Variants in VPS13B observed in about 807,000 individuals in gnomAD.
VPS13B encodes vacuolar protein sorting 13 homolog B.
VPS13B carries 285 observed loss-of-function variants against 426.4 expected under a neutral mutation model. The ratio of observed to expected loss-of-function variants is 0.67; its 90% CI spans 0.61 to 0.74. The LOEUF (loss-of-function observed/expected upper bound fraction) is 0.74. Among genes scored for constraint, VPS13B ranks in the 30% least tolerant of loss-of-function variants. The pLI is 0.00. For missense variants in VPS13B, 4,537 were observed against 4,782.6 expected, an observed-to-expected ratio of 0.95 and a Z score of 1.51; for synonymous variants, 1,676 against 1,676.4, an observed-to-expected ratio of 1.00 and a Z score of 0.01.
chr8:99,299,722 C>T (rs1420491877), intron 19 of VPS13B, among the ~76,000 whole-genome samples: 1 of 151,832 alleles, frequency 6.6e-6, no homozygotes, highest in Non-Finnish European at 1.5e-5. Context: ...CCAGCTTGGC[C>T]AACATGGTGA....
chr8:99,074,105 TG>T (rs1169542014), intron 3 of VPS13B, among the ~76,000 whole-genome samples: 2 of 152,182 alleles, frequency 1.3e-5, no homozygotes. Context: ...TGGGACCTTC[TG>T]TACTGTGTTG....
chr8:99,699,267 C>G (rs1272708754), intron 35 of VPS13B, among the ~76,000 whole-genome samples: 1 of 150,190 alleles, frequency 6.7e-6, no homozygotes, highest in Non-Finnish European at 1.5e-5. Flanking sequence ...GTGTGGCCCT[C>G]GATGTATCAG....
At chr8:99,562,949 G>A (rs1825008564) in intron 31 of VPS13B, among the ~76,000 whole-genome samples, 1 of 152,130 alleles carries the variant, frequency 6.6e-6, no homozygotes, top group Non-Finnish European at 1.5e-5. Flanking sequence ...GAAGCCAGGA[G>A]TTTAAGATCA....
intron 31 of VPS13B, among the ~76,000 whole-genome samples, chr8:99,571,507 T>C (rs1344234603): frequency 6.6e-6 from 1 of 152,148 alleles, no homozygotes; most frequent in African/African-American, 2.4e-5. Context: ...AGGTCAAAGG[T>C]CTTTCATATT....
intron 23 of VPS13B, among the ~76,000 whole-genome samples, chr8:99,448,385 T>G (rs548842247): frequency 6.6e-6 from 1 of 152,234 alleles, no homozygotes; most frequent in Non-Finnish European, 1.5e-5. Context: ...AAGAGATTAT[T>G]TCAAGATATT....
chr8:99,220,707 T>TA (rs1815658506), intron 17 of VPS13B, among the ~76,000 whole-genome samples: 1 of 151,388 alleles, frequency 6.6e-6, no homozygotes, highest in Admixed American at 6.6e-5. Context: ...GTGAGAGAGC[T>TA]AACATGAGTT....
At position 99,442,459 on chromosome 8, in the gene VPS13B, C is replaced by T; in HGVS notation, c.3269C>T (p.Thr1090Ile). ...IPNDSLPSPS[T>I]IVSGDIPGTV... ...AATGATAGCCTGCCTTCCCCAAGTA[C>T]AATTGTATCTGGTGACATTCCTGGA... The change falls in exon 23 of 62, where the codon ACA becomes ATA. Residue 1090 changes from threonine to isoleucine, a missense_variant. By Grantham distance (89) the Thr-to-Ile change is moderately conservative. Coordinates refer to ENST00000357162, the MANE Select transcript of VPS13B (RefSeq NM_152564.5). 1.2e-6 allele frequency: 2 copies of T among 1,613,936 alleles called. No individual in the cohort carries two copies. Among genetic ancestry groups the T allele is most frequent in the South Asian group, 1.1e-5 (1 of 91,082 alleles).
At chr8:99,845,171 A>G (rs1815916555) in intron 54 of VPS13B, among the ~76,000 whole-genome samples, 1 of 152,190 alleles carries the variant, frequency 6.6e-6, no homozygotes, top group Non-Finnish European at 1.5e-5. Context: ...TACTTCTATC[A>G]ACAATATCTA....
intron 17 of VPS13B, among the ~76,000 whole-genome samples, chr8:99,228,947 T>G (rs1226496984): frequency 6.6e-6 from 1 of 152,002 alleles, no homozygotes; most frequent in Non-Finnish European, 1.5e-5. Flanking sequence ...TAGTGGAGGA[T>G]GAGTGTGATA....
chr8:99,053,870 T>G (rs1776860859), intron 3 of VPS13B, among the ~76,000 whole-genome samples: 1 of 151,944 alleles, frequency 6.6e-6, no homozygotes, highest in Non-Finnish European at 1.5e-5. Context: ...CCCCGGCTAA[T>G]TTTTATATTT....
chr8:99,313,269 C>A (rs145541851), intron 19 of VPS13B, among the ~76,000 whole-genome samples: 1 of 152,156 alleles, frequency 6.6e-6, no homozygotes, highest in Non-Finnish European at 1.5e-5. Flanking sequence ...TTCAGCTTTT[C>A]TGGTCTGTTT....
intron 19 of VPS13B, among the ~76,000 whole-genome samples, chr8:99,356,124 A>G (rs554672968): frequency 1.2e-4 from 19 of 152,320 alleles, no homozygotes; most frequent in African/African-American, 3.9e-4. Context: ...AACACTGAAA[A>G]AGAATTTTCA....
In VPS13B at chr8:99,253,370, G is replaced by T. The variant is rs149239139; in HGVS notation, c.2516-20828G>T. On this transcript the variant is annotated intron_variant, in intron 17 of 61. Transcript: ENST00000357162. ...TTATCTACATAGGAGATGTTCTGCTGGATCATATGGTCACTTTCTGAGTAA... is the reference window on the plus strand; with the variant it reads ...TTATCTACATAGGAGATGTTCTGCTTGATCATATGGTCACTTTCTGAGTAA... Among the ~76,000 whole-genome samples, 497 of 152,150 alleles carry T rather than the reference G, an allele frequency of 3.3e-3. 5 individuals are homozygous for T. Among genetic ancestry groups the T allele is most frequent in the East Asian group, 2.5e-3 (13 of 5,176 alleles).
intron 17 of VPS13B, among the ~76,000 whole-genome samples, chr8:99,221,359 G>A (rs569145642): frequency 6.6e-6 from 1 of 152,084 alleles, no homozygotes; most frequent in Non-Finnish European, 1.5e-5. Flanking sequence ...CTGAGGAATC[G>A]CCACACTGAC....
Position 99,820,090 on chromosome 8 carries a change from G to C in VPS13B, c.8962G>C (p.Ala2988Pro). Residue 2988 changes from alanine to proline, a missense_variant, in exon 49 of 62, where the codon GCT (alanine) becomes CCT (proline). Coordinates refer to ENST00000357162, the MANE Select transcript of VPS13B (RefSeq NM_152564.5). ...EGEKIVLQVP[A>P]GKIIIPPNFQ... ...AGAGAAAATTGTTCTACAGGTTCCT[G>C]CTGGCAAAATTATTATTCCTCCTAA... The C allele has an allele frequency of 6.2e-7, 1 of 1,613,910 alleles. No homozygotes were observed. Among genetic ancestry groups the C allele is most frequent in the Non-Finnish European group, 8.5e-7 (1 of 1,179,836 alleles).
At chr8:99,162,766 G>C (rs1275210484) in intron 15 of VPS13B, among the ~76,000 whole-genome samples, 1 of 152,206 alleles carries the variant, frequency 6.6e-6, no homozygotes, top group Non-Finnish European at 1.5e-5. Context: ...GCAATAGCAA[G>C]ATTTATTGCA....
intron 33 of VPS13B, among the ~76,000 whole-genome samples, chr8:99,601,156 G>A (rs565738687): frequency 2.0e-5 from 3 of 151,678 alleles, no homozygotes; most frequent in South Asian, 4.2e-4. Context: ...CCTAGCCCCT[G>A]ACCCCCCAAC....
intron 51 of VPS13B, among the ~76,000 whole-genome samples, chr8:99,829,862 G>A (rs1288518995): frequency 6.6e-6 from 1 of 152,186 alleles, no homozygotes; most frequent in Admixed American, 6.5e-5. Context: ...CCCCTCTTCT[G>A]TAGGTCTGCT....
intron 17 of VPS13B, among the ~76,000 whole-genome samples, chr8:99,234,660 A>G (rs2132867720): frequency 6.6e-6 from 1 of 152,378 alleles, no homozygotes; most frequent in Admixed American, 6.5e-5. Flanking sequence ...TTTCTAAGTC[A>G]AAATGTTCAT....
Sources: allele counts gnomAD v4.1 joint callset (sites outside exome capture counted in the v4.1 genomes callset), GRCh38; gene constraint gnomAD v4.1.1; transcripts MANE v1.5; gene names NCBI Gene and HGNC (gene_info 2026-07-23, HGNC 2026-07-21).